Variants in TMEM132D observed in about 807,000 individuals in gnomAD.
TMEM132D encodes the protein mature OL transmembrane protein.
Under a neutral mutation model 62.3 loss-of-function variants are expected in TMEM132D, and 21 were observed. The ratio of observed to expected loss-of-function variants is 0.34; its 90% CI spans 0.24 to 0.49. The LOEUF (loss-of-function observed/expected upper bound fraction) is 0.49, where lower values mean the gene tolerates loss of function less well. TMEM132D is among the 20% of genes least tolerant of loss of function. The pLI is 0.99. For missense variants in TMEM132D, 1,346 were observed against 1,402.8 expected, an observed-to-expected ratio of 0.96 and a Z score of 0.65; for synonymous variants, 621 against 575.6, an observed-to-expected ratio of 1.08 and a Z score of -1.13.
intron 5 of TMEM132D, chr12:129,085,629 C>T (rs1874592168): frequency 6.6e-6 from 1 of 151,060 alleles, no homozygotes; most frequent in Admixed American, 6.6e-5. Context: ...TCAGAACAAC[C>T]ACAACGCTAG....
intron 3 of TMEM132D, among the ~76,000 whole-genome samples, chr12:129,496,660 C>A (rs1210187540): frequency 9.2e-6 from 1 of 108,156 alleles, no homozygotes; most frequent in Non-Finnish European, 1.8e-5. Flanking sequence ...TTCCCTATTG[C>A]AACTTACATT....
At chr12:129,764,867 G>C (rs770748774) in intron 1 of TMEM132D, among the ~76,000 whole-genome samples, 1 of 152,096 alleles carries the variant, frequency 6.6e-6, no homozygotes, top group Non-Finnish European at 1.5e-5. Context: ...CTTGAGCCTG[G>C]GAGGTTGAGG....
chr12:129,504,042 T>C (rs547819370), intron 3 of TMEM132D, among the ~76,000 whole-genome samples: 2 of 151,670 alleles, frequency 1.3e-5, no homozygotes, highest in East Asian at 3.9e-4. Context: ...TCATCATTAC[T>C]GTCATCATCA....
intron 3 of TMEM132D, among the ~76,000 whole-genome samples, chr12:129,372,931 C>A (rs1470257138): frequency 6.6e-6 from 1 of 152,156 alleles, no homozygotes; most frequent in African/African-American, 2.4e-5. Flanking sequence ...AAATTGTCTT[C>A]CACGAAACTG....
chr12:129,715,739 T>C (rs1868547403), intron 1 of TMEM132D, among the ~76,000 whole-genome samples: 1 of 152,230 alleles, frequency 6.6e-6, no homozygotes, highest in Non-Finnish European at 1.5e-5. Context: ...CATATGCTTA[T>C]TTACATCTAT....
chr12:129,883,226 T>A (rs1566018784), intron 1 of TMEM132D, among the ~76,000 whole-genome samples: 1 of 152,196 alleles, frequency 6.6e-6, no homozygotes, highest in Non-Finnish European at 1.5e-5. Flanking sequence ...TGCATATCTA[T>A]AAAATTGCAA....
intron 3 of TMEM132D, among the ~76,000 whole-genome samples, chr12:129,351,634 A>C (rs1301044252): frequency 6.6e-6 from 1 of 152,190 alleles, no homozygotes; most frequent in African/African-American, 2.4e-5. Context: ...ACTATCAGTC[A>C]ACCCTATCTC....
intron 1 of TMEM132D, among the ~76,000 whole-genome samples, chr12:129,890,044 A>G (rs1874870614): frequency 6.6e-6 from 1 of 152,216 alleles, no homozygotes; most frequent in African/African-American, 2.4e-5. Context: ...ATCAAAAATC[A>G]ACTTTAATAA....
intron 5 of TMEM132D, among the ~76,000 whole-genome samples, chr12:129,201,861 C>G (rs560030798): frequency 2.0e-5 from 3 of 152,284 alleles, no homozygotes; most frequent in Admixed American, 2.0e-4. Flanking sequence ...ACACCCTAAG[C>G]TAGCGCCAGG....
Position 129,202,288 on chromosome 12 carries a change from C to T in TMEM132D, c.1443+7232G>A, listed in dbSNP as rs539876254. The stretch of plus-strand genomic sequence containing the variant: ...TGGCTGTGACACATCTCTGAGAATC[C>T]CTTGGCTTTCTTTCTTAACAGCCTC... On this transcript the variant is annotated intron_variant, in intron 5 of 8. Coordinates refer to ENST00000422113, the MANE Select transcript of TMEM132D (RefSeq NM_133448.3). Among the ~76,000 whole-genome samples, 4 of 152,298 alleles carry T rather than the reference C, an allele frequency of 2.6e-5. No homozygotes were observed. The East Asian group carries it at 7.7e-4, about 29-fold the overall frequency.
chr12:129,589,354 G>A (rs937513569), intron 2 of TMEM132D, among the ~76,000 whole-genome samples: 6 of 152,112 alleles, frequency 3.9e-5, no homozygotes, highest in South Asian at 2.1e-4. Flanking sequence ...CCCCAGTCAC[G>A]TGGAACTGTG....
At chr12:129,576,232 A>G (rs1877655464) in intron 2 of TMEM132D, among the ~76,000 whole-genome samples, 1 of 151,816 alleles carries the variant, frequency 6.6e-6, no homozygotes, top group African/African-American at 2.4e-5. Flanking sequence ...TTAACTCCAA[A>G]TGGTGTGGGT....
At chr12:129,148,178 C>T (rs374068813) in intron 5 of TMEM132D, among the ~76,000 whole-genome samples, 1 of 152,166 alleles carries the variant, frequency 6.6e-6, no homozygotes, top group African/African-American at 2.4e-5. Context: ...GTATCCATGG[C>T]ACCTATGAGG....
At chr12:129,392,511 C>A (rs1871314875) in intron 3 of TMEM132D, among the ~76,000 whole-genome samples, 1 of 152,238 alleles carries the variant, frequency 6.6e-6, no homozygotes, top group Admixed American at 6.5e-5. Flanking sequence ...GCCTGCACAT[C>A]CACATGCAGC....
intron 3 of TMEM132D, among the ~76,000 whole-genome samples, chr12:129,351,947 A>G (rs1275459783): frequency 6.6e-6 from 1 of 152,080 alleles, no homozygotes; most frequent in African/African-American, 2.4e-5. Flanking sequence ...CATCACTCCT[A>G]TTCAGCCTGA....
chr12:129,211,119 C>T (rs1240023529), intron 4 of TMEM132D: 1 of 152,196 alleles, frequency 6.6e-6, no homozygotes, highest in African/African-American at 2.4e-5. Context: ...CCCAATATAA[C>T]CCCACATCTC....
intron 3 of TMEM132D, among the ~76,000 whole-genome samples, chr12:129,457,541 T>C (rs939896632): frequency 6.6e-6 from 1 of 151,264 alleles, no homozygotes; most frequent in Non-Finnish European, 1.5e-5. Flanking sequence ...TGTATACATA[T>C]GTAACAAACC....
chr12:129,446,703 A>C (rs1382671661), intron 3 of TMEM132D, among the ~76,000 whole-genome samples: 1 of 152,210 alleles, frequency 6.6e-6, no homozygotes, highest in Non-Finnish European at 1.5e-5. Flanking sequence ...GCTGTGTAAA[A>C]CTGATTAAAA....
intron 2 of TMEM132D, among the ~76,000 whole-genome samples, chr12:129,663,013 A>G (rs886984455): frequency 1.3e-5 from 2 of 152,168 alleles, no homozygotes; most frequent in African/African-American, 4.8e-5. Flanking sequence ...TCCCTGCTAC[A>G]CTATTTAGAT....
Sources: allele counts gnomAD v4.1 joint callset (sites outside exome capture counted in the v4.1 genomes callset), GRCh38; gene constraint gnomAD v4.1.1; transcripts MANE v1.5; gene names NCBI Gene and HGNC (gene_info 2026-07-23, HGNC 2026-07-21).